Variants in LAT2 observed in about 807,000 individuals in gnomAD.
LAT2 encodes linker for activation of T cells family member 2, also known as linker for activation of T-cells family member 2.
Under a neutral mutation model 43.4 loss-of-function variants are expected in LAT2, and 23 were observed. That is an observed-to-expected ratio of 0.53 (90% CI 0.38 to 0.75). The LOEUF (loss-of-function observed/expected upper bound fraction) is 0.75, where lower values mean the gene tolerates loss of function less well. Ranked by LOEUF, LAT2 falls within the 30% of genes least tolerant of loss-of-function variation. The pLI is 0.00. For synonymous variants in LAT2, 128 were observed against 123.2 expected (o/e 1.04, Z -0.26); for missense variants, 284 against 310.2 (o/e 0.92, Z 0.64).
In LAT2 at chr7:74,220,743, C is replaced by T; in HGVS notation, c.332+9C>T. ...TCGGAGGAAGCCTACATGTGAGTGA[C>T]CTTGATCCTGTCCCCCCTGCCTCGC... On this transcript the variant is annotated intron_variant, in intron 9 of 13. Coordinates refer to ENST00000460943, the MANE Select transcript of LAT2 (RefSeq NM_032464.3). The surrounding 1 kb of genome is among the most constrained non-coding windows in gnomAD (Gnocchi z 4.5). 1 of 1,572,582 alleles carries T rather than the reference C, an allele frequency of 6.4e-7. No homozygotes were observed. Among genetic ancestry groups the T allele is most frequent in the Non-Finnish European group, 8.7e-7 (1 of 1,152,332 alleles).
At chr7:74,210,595 G>A (rs370015969) in intron 1 of LAT2, among the ~76,000 whole-genome samples, 7 of 151,728 alleles carry the variant, frequency 4.6e-5, no homozygotes, top group Admixed American at 3.3e-4. Flanking sequence ...TCCTGCACCC[G>A]CCCGCCTCCC....
chr7:74,228,660 G>T (rs1413985793), intron 13 of LAT2, among the ~76,000 whole-genome samples: 1 of 150,356 alleles, frequency 6.7e-6, no homozygotes, highest in Non-Finnish European at 1.5e-5. Flanking sequence ...AGCTGGGCGT[G>T]GTGGCGTAGT....
At chr7:74,213,797 T>C (rs2116085990) in intron 1 of LAT2, among the ~76,000 whole-genome samples, 1 of 151,878 alleles carries the variant, frequency 6.6e-6, no homozygotes, top group Non-Finnish European at 1.5e-5. Context: ...GGAGAAGCCC[T>C]CCTCACTGGT....
intron 4 of LAT2, among the ~76,000 whole-genome samples, chr7:74,217,643 G>A (rs181391086): frequency 3.9e-4 from 59 of 152,248 alleles, no homozygotes; most frequent in Non-Finnish European, 4.3e-4. Flanking sequence ...CAAGTCCCTC[G>A]GGGGACCAGG....
chr7:74,220,162 G>A lies in LAT2; in HGVS notation c.228-55G>A, dbSNP rs1554714916. On this transcript the variant is annotated intron_variant, in intron 6 of 13. Transcript: ENST00000460943. The surrounding 1 kb of genome is among the most constrained non-coding windows in gnomAD (Gnocchi z 4.5). ...AAGGGGTATGGGGGGATGTGTCCTGGGGGGCCTCTCCCCTACAGCCCCTCC... is the reference window on the plus strand; with the variant it reads ...AAGGGGTATGGGGGGATGTGTCCTGAGGGGCCTCTCCCCTACAGCCCCTCC... The A allele has an allele frequency of 3.1e-5, 49 of 1,568,998 alleles. No homozygotes were observed. The highest frequency in any genetic ancestry group is 3.6e-5 in the Non-Finnish European group (41 of 1,150,886).
At chr7:74,218,584 G>A (rs1047702749) in intron 4 of LAT2, among the ~76,000 whole-genome samples, 7 of 152,094 alleles carry the variant, frequency 4.6e-5, no homozygotes, top group African/African-American at 9.7e-5. Context: ...CAGTGCCCCC[G>A]TTTAAAAAGA....
chr7:74,218,760 G>C (rs539336668), intron 4 of LAT2, among the ~76,000 whole-genome samples: 29 of 152,318 alleles, frequency 1.9e-4, no homozygotes, highest in African/African-American at 6.3e-4. Context: ...GCAGTAGAAT[G>C]ATCTTGGCTC....
At position 74,220,693 on chromosome 7, in the gene LAT2, T is replaced by G. The variant is rs1454116734; in HGVS notation, c.302-11T>G. Reference sequence around the variant, plus strand: ...CAGGGGCTCAGGCCCAATTCTCGCCTCCTCCCGCAGGAAGCAGACACGGGT... The same window carrying G: ...CAGGGGCTCAGGCCCAATTCTCGCCGCCTCCCGCAGGAAGCAGACACGGGT... On this transcript the variant is annotated splice_polypyrimidine_tract_variant and intron_variant, in intron 8 of 13. Transcript: ENST00000460943. The surrounding 1 kb of genome is among the most constrained non-coding windows in gnomAD (Gnocchi z 4.5). The G allele has an allele frequency of 6.2e-7, 1 of 1,609,842 alleles. No homozygotes were observed. Among genetic ancestry groups the G allele is most frequent in the Non-Finnish European group, 8.5e-7 (1 of 1,176,646 alleles).
At chr7:74,214,515 A>T (rs2023253) in intron 1 of LAT2, among the ~76,000 whole-genome samples, 1 of 8,458 alleles carries the variant, frequency 1.2e-4, no homozygotes, top group Non-Finnish European at 1.6e-4. Flanking sequence ...TATATATGAA[A>T]ATATATATAA....
rs546251474 is a variant in LAT2, at chr7:74,227,973, C to T, written c.*19-971C>T. ...GGCTGATCACCTGAGGTCAGGAGTT[C>T]GAGACCATCCTGGGCAACATGGGGA... is the stretch of plus-strand genomic sequence containing the variant. On this transcript the variant is annotated intron_variant, in intron 13 of 13. Transcript: ENST00000460943. 6.3e-3 allele frequency among the ~76,000 whole-genome samples: 918 copies of T among 146,502 alleles called. 3 individuals are homozygous for T. The highest frequency in any genetic ancestry group is 0.011 in the Non-Finnish European group (705 of 66,724).
rs149615549 is a variant in LAT2, at chr7:74,223,579, A to G, written c.389-145A>G. The G allele has an allele frequency of 1.1e-3, 766 of 712,714 alleles. 7 individuals are homozygous for G. The East Asian group carries it at 0.018, about 16-fold the overall frequency. The allele number at this position is 712,714 out of a possible 1,614,324, so 44.1% of individuals were successfully genotyped here. ...ACCCATTAGGAAGCTCATCCAGAAG[A>G]AGGCTTGAGGTCCCGGGGGACCCAG... On this transcript the variant is annotated intron_variant, in intron 10 of 13. Transcript: ENST00000460943.
At chr7:74,213,430 T>C (rs1191869905) in intron 1 of LAT2, among the ~76,000 whole-genome samples, 1 of 143,294 alleles carries the variant, frequency 7.0e-6, no homozygotes, top group African/African-American at 2.6e-5. Flanking sequence ...CATTTTTTTT[T>C]TTTTTTTTTT....
At chr7:74,221,121 T>C (rs1294056928) in intron 9 of LAT2, among the ~76,000 whole-genome samples, 3 of 151,982 alleles carry the variant, frequency 2.0e-5, no homozygotes, top group Non-Finnish European at 4.4e-5. Context: ...TAAGGTCACA[T>C]AGCAAGGTGG....
chr7:74,223,873 G>T, intron 11 of LAT2, 90 bp downstream of exon 11: 2 of 1,494,204 alleles, frequency 1.3e-6, no homozygotes. Context: ...CTCAAAGGCC[G>T]CCCCCACTTT....
chr7:74,215,888 G>A, intron 2 of LAT2, 59 bp from the exon 3 acceptor site: 1 of 1,154,316 alleles, frequency 8.7e-7, no homozygotes, highest in East Asian at 2.3e-5. Context: ...GCACAGTGGG[G>A]GTGTGGGGTA....
intron 1 of LAT2, among the ~76,000 whole-genome samples, chr7:74,214,129 T>A (rs1339073555): frequency 5.1e-5 from 3 of 59,286 alleles, no homozygotes; most frequent in Non-Finnish European, 6.3e-5. Flanking sequence ...TATATATAAA[T>A]ATATATATGA....
intron 13 of LAT2, 50 bp downstream of exon 13, chr7:74,224,810 C>T: frequency 7.5e-7 from 1 of 1,340,898 alleles, no homozygotes; most frequent in Non-Finnish European, 1.0e-6. Context: ...GGAGGTCTTG[C>T]CAAGCTGCAG....
rs1364214317 is a variant in LAT2 at position 74,220,897 on chromosome 7, T to C, written c.332+163T>C. 6.6e-6 allele frequency among the ~76,000 whole-genome samples: 1 copy of C among 151,824 alleles called. No individual in the cohort carries two copies. Among genetic ancestry groups the C allele is most frequent in the Non-Finnish European group, 1.5e-5 (1 of 67,934 alleles). On this transcript the variant is annotated intron_variant, in intron 9 of 13. Coordinates refer to ENST00000460943, the MANE Select transcript of LAT2 (RefSeq NM_032464.3). The surrounding 1 kb of genome is among the most constrained non-coding windows in gnomAD (Gnocchi z 4.5). ...AACGAGGCATCCAGGTTCCCCTCCTTCTCCTGGCAGGCAGGCATTGGGCGA... is the reference window on the plus strand; with the variant it reads ...AACGAGGCATCCAGGTTCCCCTCCTCCTCCTGGCAGGCAGGCATTGGGCGA...
intron 1 of LAT2, 46 bp from the exon 2 acceptor site, chr7:74,214,754 TATATATAAACATATATATATAA>T (rs1273307168): frequency 1.0e-5 from 1 of 96,528 alleles, no homozygotes; most frequent in Non-Finnish European, 1.8e-5. Flanking sequence ...TATAAATATA[TATATATAAACATATATATATAA>T]ATATATATAT....
Sources: allele counts gnomAD v4.1 joint callset (sites outside exome capture counted in the v4.1 genomes callset), GRCh38; gene constraint gnomAD v4.1.1; non-coding constraint Gnocchi (gnomAD v3.1); transcripts MANE v1.5; gene names NCBI Gene and HGNC (gene_info 2026-07-23, HGNC 2026-07-21).